MRPL13: variants seen among roughly 807,000 people sequenced by gnomAD.
MRPL13 encodes large ribosomal subunit protein uL13m.
A neutral mutation model predicts 29.0 loss-of-function variants in MRPL13; 33 were observed. The observed-to-expected ratio is 1.14, with a 90% CI of 0.86 to 1.52. MRPL13 has a LOEUF of 1.52. MRPL13 is among the 40% of genes most tolerant of loss of function. The probability of loss-of-function intolerance (pLI) is 0.00; values close to 1 mark genes in which losing one functional copy is unlikely to be tolerated. For synonymous variants in MRPL13, 77 were observed against 68.4 expected (o/e 1.13, Z -0.62); for missense variants, 227 against 216.7 (o/e 1.05, Z -0.30).
chr8:120,408,844 A>G lies in MRPL13; in HGVS notation c.515+5147T>C, dbSNP rs181474116. ...ACAGCTTTCATATCAGAGAATATGC[A>G]CTAAGCTTAAATCCGTGCTCTCTTC... On this transcript the variant is annotated intron_variant, in intron 6 of 6. Coordinates refer to ENST00000306185, the MANE Select transcript of MRPL13 (RefSeq NM_014078.6). 1.4e-3 allele frequency among the ~76,000 whole-genome samples: 219 copies of G among 152,326 alleles called. 1 individual carries two copies. In the Middle Eastern group the frequency reaches 0.055, roughly 38 times the overall value.
rs183857581 is a variant in MRPL13, at chr8:120,402,765, T to C, written c.516-6640A>G. The stretch of plus-strand genomic sequence containing the variant: ...ATCTATCCATCTGACAAAGGTCTAA[T>C]ATCCAGCATCTACAATGAACTTAGG... On this transcript the variant is annotated intron_variant, in intron 6 of 6. Transcript: ENST00000306185. Among the ~76,000 whole-genome samples the C allele has an allele frequency of 3.4e-3, 519 of 152,284 alleles. 3 individuals are homozygous for C. The highest frequency in any genetic ancestry group is 0.011 in the African/African-American group (475 of 41,556).
intron 5 of MRPL13, 90 bp from the exon 6 acceptor site, chr8:120,414,202 G>C: frequency 1.0e-6 from 1 of 961,310 alleles, no homozygotes; most frequent in Non-Finnish European, 1.4e-6. Context: ...AAAAAAATAA[G>C]CAAAAGAATG....
chr8:120,412,194 A>G (rs1388877636), intron 6 of MRPL13, among the ~76,000 whole-genome samples: 1 of 152,204 alleles, frequency 6.6e-6, no homozygotes, highest in African/African-American at 2.4e-5. Context: ...TAAGAAAATC[A>G]GATACATATT....
chr8:120,410,661 C>T (rs1039591295), intron 6 of MRPL13, among the ~76,000 whole-genome samples: 6 of 152,110 alleles, frequency 3.9e-5, no homozygotes, highest in Non-Finnish European at 5.9e-5. Flanking sequence ...AAATTCAGTT[C>T]CTTAGTCACA....
chr8:120,413,273 C>G (rs1057169927), intron 6 of MRPL13, among the ~76,000 whole-genome samples: 2 of 152,166 alleles, frequency 1.3e-5, no homozygotes, highest in Non-Finnish European at 2.9e-5. Flanking sequence ...CTAAATAAGA[C>G]AAACATGTAG....
At chr8:120,403,260 C>T (rs1009603253) in intron 6 of MRPL13, among the ~76,000 whole-genome samples, 2 of 151,638 alleles carry the variant, frequency 1.3e-5, no homozygotes, top group African/African-American at 4.8e-5. Flanking sequence ...AATTCCCAGA[C>T]TGGATAAAGA....
chr8:120,443,213 T>A lies in MRPL13; in HGVS notation c.123A>T (p.Gly41=). The change falls in exon 2 of 7, where the codon GGA becomes GGT. Residue 41 remains glycine (G), a synonymous_variant. Coordinates refer to ENST00000306185, the MANE Select transcript of MRPL13 (RefSeq NM_014078.6). ...GTGCATGGTACACAGGTTTATGTAATCCCTGAAGTCTTATAGATGCCATAG... is the reference window on the plus strand; with the variant it reads ...GTGCATGGTACACAGGTTTATGTAAACCCTGAAGTCTTATAGATGCCATAG... ...LAAMASIRLQ[G]LHKPVYHALS... 1 of 1,607,980 alleles carries A rather than the reference T, an allele frequency of 6.2e-7. No individual in the cohort carries two copies. Among genetic ancestry groups the A allele is most frequent in the Non-Finnish European group, 8.5e-7 (1 of 1,177,134 alleles).
At chr8:120,411,245 T>C (rs1812736939) in intron 6 of MRPL13, among the ~76,000 whole-genome samples, 1 of 152,066 alleles carries the variant, frequency 6.6e-6, no homozygotes, top group African/African-American at 2.4e-5. Flanking sequence ...TGTTTTTTGT[T>C]TTTGTAGAGA....
At chr8:120,404,145 A>C (rs1445237476) in intron 6 of MRPL13, among the ~76,000 whole-genome samples, 1 of 152,196 alleles carries the variant, frequency 6.6e-6, no homozygotes, top group Non-Finnish European at 1.5e-5. Context: ...ACACCAGTAC[A>C]TTTTAAGAAA....
Position 120,432,090 on chromosome 8 carries a change from G to A in MRPL13, c.185C>T (p.Thr62Ile), listed in dbSNP as rs908856781. 5.0e-6 allele frequency: 8 copies of A among 1,606,552 alleles called. No individual in the cohort carries two copies. Among genetic ancestry groups the A allele is most frequent in the East Asian group, 2.2e-5 (1 of 44,454 alleles). Residue 62 changes from threonine to isoleucine, a missense_variant, in exon 3 of 7, where the codon ACA (threonine) becomes ATA (isoleucine). Coordinates refer to ENST00000306185, the MANE Select transcript of MRPL13 (RefSeq NM_014078.6). The part of the protein sequence containing the change: ...DCGDHVVIMN[T>I]RHIAFSGNKW... The stretch of plus-strand genomic sequence containing the variant: ...GTTTCCAGAAAATGCAATGTGTCTT[G>A]TGTTCATTATAACAACATGATCCCC...
chr8:120,405,010 G>C (rs1812648160), intron 6 of MRPL13, among the ~76,000 whole-genome samples: 1 of 152,150 alleles, frequency 6.6e-6, no homozygotes, highest in Non-Finnish European at 1.5e-5. Flanking sequence ...TGACCCCCTT[G>C]AAAATGCCAC....
chr8:120,396,019 GTTTTACTCCATCCTGTAGGT>G lies in MRPL13; in HGVS notation c.*65_*84del. 8.4e-7 allele frequency: 1 copy of G among 1,189,688 alleles called. No individual in the cohort carries two copies. Among genetic ancestry groups the G allele is most frequent in the Middle Eastern group, 1.9e-4 (1 of 5,294 alleles). 73.7% of individuals were successfully genotyped at this position (1,189,688 alleles called of 1,614,324 possible). On this transcript the variant is annotated 3_prime_UTR_variant, in exon 7 of 7. Transcript: ENST00000306185. ...AAACAGGTGCTGAACTGTAGCAGTT[GTTTTACTCCATCCTGTAGGT>G]TAGAGAAACTCATCAGAAGAAAGTT...
chr8:120,413,944 CAG>C (rs1192549442), intron 6 of MRPL13, 45 bp downstream of exon 6: 2 of 1,455,026 alleles, frequency 1.4e-6, no homozygotes, highest in Non-Finnish European at 1.8e-6. Context: ...GTTGAGGAAA[CAG>C]AGGATATCAA....
intron 4 of MRPL13, among the ~76,000 whole-genome samples, chr8:120,424,724 C>A (rs1743117029): frequency 6.6e-6 from 1 of 151,994 alleles, no homozygotes; most frequent in Non-Finnish European, 1.5e-5. Context: ...TATCATTGTG[C>A]CACTGTGCTC....
At chr8:120,436,896 T>TAC (rs1813060526) in intron 2 of MRPL13, among the ~76,000 whole-genome samples, 1 of 152,228 alleles carries the variant, frequency 6.6e-6, no homozygotes, top group South Asian at 2.1e-4. Context: ...TCCAAATGGC[T>TAC]ACTTCAGTGT....
chr8:120,405,536 G>A (rs1307244373), intron 6 of MRPL13, among the ~76,000 whole-genome samples: 2 of 152,154 alleles, frequency 1.3e-5, no homozygotes, highest in Admixed American at 6.5e-5. Context: ...GTTCCCCTTA[G>A]ACCAAAGACA....
chr8:120,429,137 C>G (rs908193760), intron 3 of MRPL13, among the ~76,000 whole-genome samples: 1 of 152,078 alleles, frequency 6.6e-6, no homozygotes, highest in Non-Finnish European at 1.5e-5. Context: ...AAATGTAGTA[C>G]ATATATACCA....
At chr8:120,427,718 C>G (rs1812946803) in intron 3 of MRPL13, among the ~76,000 whole-genome samples, 1 of 152,040 alleles carries the variant, frequency 6.6e-6, no homozygotes, top group South Asian at 2.1e-4. Flanking sequence ...AATCCCAGTA[C>G]TGTGGAAGGC....
At chr8:120,400,579 G>C (rs953152276) in intron 6 of MRPL13, among the ~76,000 whole-genome samples, 3 of 151,778 alleles carry the variant, frequency 2.0e-5, no homozygotes, top group African/African-American at 7.3e-5. Flanking sequence ...AGAGTACCAA[G>C]AGCAAACACA....
Sources: gnomAD v4.1 joint callset for allele counts (sites outside exome capture counted in the v4.1 genomes callset) on GRCh38, gnomAD v4.1.1 for gene constraint, MANE v1.5 for transcripts, NCBI Gene and HGNC (gene_info 2026-07-23, HGNC 2026-07-21) for gene names.